SOS1: variants seen among roughly 807,000 people sequenced by gnomAD.
The protein encoded by SOS1 is son of sevenless homolog 1.
Under a neutral mutation model 157.6 loss-of-function variants are expected in SOS1, and 25 were observed. That is an observed-to-expected ratio of 0.16 (90% CI 0.12 to 0.22). The LOEUF (loss-of-function observed/expected upper bound fraction) is 0.22. SOS1 is among the 10% of genes least tolerant of loss of function. SOS1 has a pLI of 1.00. For synonymous variants in SOS1, 528 were observed against 534.0 expected (o/e 0.99, Z 0.16); for missense variants, 1,237 against 1,599.1 (o/e 0.77, Z 3.86).
chr2:39,036,675 G>A (rs1344463442), intron 6 of SOS1, among the ~76,000 whole-genome samples: 1 of 151,638 alleles, frequency 6.6e-6, no homozygotes, highest in Non-Finnish European at 1.5e-5. Context: ...CCAAGTTCAC[G>A]CCATTCTCCT....
chr2:39,052,725 G>A (rs1671062877), intron 5 of SOS1, among the ~76,000 whole-genome samples: 1 of 152,070 alleles, frequency 6.6e-6, no homozygotes, highest in African/African-American at 2.4e-5. Context: ...TCCAGTTTGG[G>A]GCTATTACAA....
chr2:39,043,684 G>A lies in SOS1; in HGVS notation c.864+7460C>T, dbSNP rs1046049641. Among the ~76,000 whole-genome samples the A allele has an allele frequency of 5.3e-5, 8 of 152,278 alleles. No individual in the cohort carries two copies. The East Asian group carries it at 1.2e-3, about 22-fold the overall frequency. On this transcript the variant is annotated intron_variant, in intron 6 of 22. Transcript: ENST00000402219. ...TAGGGACTCTGCAGAGTCCTGACGC[G>A]GTGCAGGGCATCACATGGCAAGGGA...
intron 1 of SOS1, among the ~76,000 whole-genome samples, chr2:39,075,083 C>A (rs932317912): frequency 1.3e-5 from 2 of 151,832 alleles, no homozygotes; most frequent in African/African-American, 4.8e-5. Context: ...TTGCTGAAGT[C>A]AAAAATGTCA....
At chr2:39,111,834 ATTCTCCTACCTCAGCC>A (rs1673448262) in intron 1 of SOS1, among the ~76,000 whole-genome samples, 2 of 151,152 alleles carry the variant, frequency 1.3e-5, no homozygotes, top group South Asian at 2.1e-4. Flanking sequence ...GTTTCAAGCG[ATTCTCCTACCTCAGCC>A]TCCCGAACAG....
intron 1 of SOS1, among the ~76,000 whole-genome samples, chr2:39,105,193 G>T (rs1335099692): frequency 6.6e-6 from 1 of 151,836 alleles, no homozygotes; most frequent in Admixed American, 6.6e-5. Context: ...AAGAACAACT[G>T]AAATTTAAGT....
intron 1 of SOS1, among the ~76,000 whole-genome samples, chr2:39,078,787 C>T (rs212322): frequency 0.89 from 134,593 of 152,050 alleles, 59,733 homozygotes; most frequent in Non-Finnish European, 0.92. Context: ...ACTGGCCGGG[C>T]GCGGTGATTC....
At chr2:38,998,243 T>A (rs770588675) in intron 17 of SOS1, among the ~76,000 whole-genome samples, 26 of 151,770 alleles carry the variant, frequency 1.7e-4, no homozygotes, top group Non-Finnish European at 2.5e-4. Context: ...ATTTTTTTTT[T>A]TATATTTTAT....
At chr2:39,111,723 CTTTT>C (rs577014442) in intron 1 of SOS1, among the ~76,000 whole-genome samples, 4 of 141,248 alleles carry the variant, frequency 2.8e-5, no homozygotes, top group African/African-American at 1.0e-4. Flanking sequence ...CTCTGGAATC[CTTTT>C]TTTTTTTTTT....
At chr2:39,115,593 G>A (rs1376421772) in intron 1 of SOS1, among the ~76,000 whole-genome samples, 1 of 151,354 alleles carries the variant, frequency 6.6e-6, no homozygotes, top group Non-Finnish European at 1.5e-5. Flanking sequence ...TTTTTTAAAT[G>A]TTTTGGCTAA....
At chr2:38,986,882 A>G (rs1038037216) in intron 22 of SOS1, among the ~76,000 whole-genome samples, 2 of 152,180 alleles carry the variant, frequency 1.3e-5, no homozygotes, top group African/African-American at 4.8e-5. Context: ...GAAGTTCTAC[A>G]AAGAGTGTCT....
Position 38,987,334 on chromosome 2 carries a change from T to C in SOS1, c.3510+139A>G, listed in dbSNP as rs973286193. ...GAAACATTACTGCATGCTAAATCTATATGTAATCCTTGTTTAAACTATTAA... is the reference window on the plus strand; with the variant it reads ...GAAACATTACTGCATGCTAAATCTACATGTAATCCTTGTTTAAACTATTAA... On this transcript the variant is annotated intron_variant, in intron 22 of 22. Coordinates refer to ENST00000402219, the MANE Select transcript of SOS1 (RefSeq NM_005633.4). 5.9e-6 allele frequency: 4 copies of C among 673,144 alleles called. No homozygotes were observed. In the African/African-American group the frequency reaches 7.2e-5, roughly 12 times the overall value. 41.7% of individuals were successfully genotyped at this position (673,144 alleles called of 1,614,324 possible).
At position 38,985,727 on chromosome 2, in the gene SOS1, G is replaced by T; in HGVS notation, c.*97C>A. ...TGAAGAAGAGTCGTTAGTGTTTGGA[G>T]TTCTCATTTTAACTCCTCAGTGCTG... is the stretch of plus-strand genomic sequence containing the variant. On this transcript the variant is annotated 3_prime_UTR_variant, in exon 23 of 23. Transcript: ENST00000402219. The T allele has an allele frequency of 6.1e-6, 8 of 1,319,802 alleles. No individual in the cohort carries two copies. Among genetic ancestry groups the T allele is most frequent in the Non-Finnish European group, 8.7e-6 (8 of 920,280 alleles). The allele number at this position is 1,319,802 out of a possible 1,614,324, so 81.8% of individuals were successfully genotyped here.
At position 39,120,776 on chromosome 2, in the gene SOS1, G is replaced by C. The variant is rs1207136263; in HGVS notation, c.-354C>G. Among the ~76,000 whole-genome samples, 1 of 149,410 alleles carries C rather than the reference G, an allele frequency of 6.7e-6. No homozygotes were observed. Among genetic ancestry groups the C allele is most frequent in the South Asian group, 2.1e-4 (1 of 4,812 alleles). On this transcript the variant is annotated 5_prime_UTR_variant, in exon 1 of 23. Coordinates refer to ENST00000402219, the MANE Select transcript of SOS1 (RefSeq NM_005633.4). ...CCCGCCCGCCGGGGCTGCACTCCCGGGCCCGGTCTGGCCCCGCGGCGGAGC... is the reference window on the plus strand; with the variant it reads ...CCCGCCCGCCGGGGCTGCACTCCCGCGCCCGGTCTGGCCCCGCGGCGGAGC...
intron 1 of SOS1, among the ~76,000 whole-genome samples, chr2:39,077,320 CA>C (rs11362922): frequency 0.92 from 127,038 of 138,570 alleles, 58,108 homozygotes; most frequent in African/African-American, 0.95. Flanking sequence ...ACTCCTTCTC[CA>C]AAAAAAAAAA....
At chr2:39,098,897 A>C (rs945852591) in intron 1 of SOS1, among the ~76,000 whole-genome samples, 1 of 152,196 alleles carries the variant, frequency 6.6e-6, no homozygotes, top group Non-Finnish European at 1.5e-5. Context: ...TCAAAAAAAA[A>C]ATATTCTTAC....
intron 21 of SOS1, among the ~76,000 whole-genome samples, chr2:38,988,781 A>T (rs1166823817): frequency 6.6e-6 from 1 of 152,124 alleles, no homozygotes; most frequent in East Asian, 1.9e-4. Flanking sequence ...TATTTTGTTT[A>T]TCAGTATTTA....
At position 39,062,220 on chromosome 2, in the gene SOS1, C is replaced by T. The variant is rs191061337; in HGVS notation, c.214-3416G>A. 1.1e-4 allele frequency among the ~76,000 whole-genome samples: 16 copies of T among 151,794 alleles called. No individual in the cohort carries two copies. In the East Asian group the frequency reaches 3.1e-3, roughly 29 times the overall value. The stretch of plus-strand genomic sequence containing the variant: ...ACTGCTTGAGGTCAGGAGTTCAAGA[C>T]CAGCCTGGCCAATACAGTAAAACCC... On this transcript the variant is annotated intron_variant, in intron 2 of 22. Transcript: ENST00000402219.
chr2:38,985,780 A>G lies in SOS1; in HGVS notation c.*44T>C, dbSNP rs182657531. The G allele has an allele frequency of 1.3e-4, 216 of 1,612,078 alleles. No homozygotes were observed. The African/African-American group carries it at 1.9e-3, about 14-fold the overall frequency. On this transcript the variant is annotated 3_prime_UTR_variant, in exon 23 of 23. Transcript: ENST00000402219. ...ACATTCAGTGCATCCATTGCCAGCA[A>G]TGGATTTGGGGCTAGGAAAATATAC...
At chr2:38,987,261 G>A (rs1306965413) in intron 22 of SOS1, among the ~76,000 whole-genome samples, 1 of 152,044 alleles carries the variant, frequency 6.6e-6, no homozygotes, top group Non-Finnish European at 1.5e-5. Flanking sequence ...ATAGCCTTAG[G>A]TTTACAAGGG....
Sources: allele counts gnomAD v4.1 joint callset (sites outside exome capture counted in the v4.1 genomes callset), GRCh38; gene constraint gnomAD v4.1.1; transcripts MANE v1.5; gene names NCBI Gene and HGNC (gene_info 2026-07-23, HGNC 2026-07-21).